CABLES2: variants seen among roughly 807,000 people sequenced by gnomAD.
The protein encoded by CABLES2 is Cdk5 and Abl enzyme substrate 2, also known as CDK5 and ABL1 enzyme substrate 2.
Under a neutral mutation model 44.8 loss-of-function variants are expected in CABLES2, and 35 were observed. The ratio of observed to expected loss-of-function variants is 0.78; its 90% confidence interval spans 0.60 to 1.04. CABLES2 has a LOEUF of 1.04. CABLES2 is among the 50% of genes least tolerant of loss of function. The pLI is 0.00. For missense variants in CABLES2, 566 were observed against 615.7 expected, an observed-to-expected ratio of 0.92 and a Z score of 0.85; for synonymous variants, 282 against 281.1, an observed-to-expected ratio of 1.00 and a Z score of -0.03.
chr20:62,407,146 C>A lies in CABLES2; in HGVS notation c.131G>T (p.Arg44Leu), dbSNP rs913659156. Reference sequence around the variant, plus strand: ...GAGGAAGAAAAGCGCGGCCTGGCGGCGCCGCGAGTCCCCGCGCCTCCGCAG... The same window carrying A: ...GAGGAAGAAAAGCGCGGCCTGGCGGAGCCGCGAGTCCCCGCGCCTCCGCAG... ...QALRRRGDSR[R>L]RQAALFFLNN... The change falls in exon 1 of 10, where the codon CGC becomes CTC. Residue 44 changes from arginine (R) to leucine (L), a missense_variant. This residue lies in a region of CABLES2 where 130 missense variants were observed against 79.4 expected (regional missense o/e 1.64). Transcript: ENST00000279101. 1.4e-4 allele frequency: 138 copies of A among 1,017,628 alleles called. No individual in the cohort carries two copies. The highest frequency in any genetic ancestry group is 1.6e-4 in the Non-Finnish European group (134 of 850,144). The allele number at this position is 1,017,628 out of a possible 1,614,324, so 63.0% of individuals were successfully genotyped here.
At chr20:62,397,493 TG>T (rs984265853) in intron 1 of CABLES2, among the ~76,000 whole-genome samples, 1 of 152,174 alleles carries the variant, frequency 6.6e-6, no homozygotes, top group African/African-American at 2.4e-5. Context: ...CGCACTTCCT[TG>T]AAGACCCCTC....
At chr20:62,400,048 C>T (rs1406868669) in intron 1 of CABLES2, among the ~76,000 whole-genome samples, 1 of 152,188 alleles carries the variant, frequency 6.6e-6, no homozygotes, top group African/African-American at 2.4e-5. Context: ...TTGTTGAAAA[C>T]AAGCTAGGAT....
At chr20:62,398,112 GTGGTGGTGGTGGT>G in intron 1 of CABLES2, among the ~76,000 whole-genome samples, 1 of 130,384 alleles carries the variant, frequency 7.7e-6, no homozygotes, top group East Asian at 2.7e-4. Flanking sequence ...GGTGATGGTG[GTGGTGGTGGTGGT>G]TATGACGGTG....
At chr20:62,398,140 T>TGGTTATGAC in intron 1 of CABLES2, among the ~76,000 whole-genome samples, 1 of 134,542 alleles carries the variant, frequency 7.4e-6, no homozygotes, top group South Asian at 2.5e-4. Context: ...ACGGTGGTGA[T>TGGTTATGAC]GGTGGTGGTG....
Position 62,388,730 on chromosome 20 carries a change from T to TA in CABLES2, c.*2240dup. 1.8e-6 allele frequency: 1 copy of TA among 543,922 alleles called. No homozygotes were observed. Among genetic ancestry groups the TA allele is most frequent in the African/African-American group, 1.9e-5 (1 of 52,884 alleles). The allele number at this position is 543,922 out of a possible 1,614,324, so 33.7% of individuals were successfully genotyped here. On this transcript the variant is annotated 3_prime_UTR_variant, in exon 10 of 10. Coordinates refer to ENST00000279101, the MANE Select transcript of CABLES2 (RefSeq NM_031215.3). The stretch of plus-strand genomic sequence containing the variant: ...AACATTCTGAGGTCTGATACTTGCT[T>TA]ATGCACACTGACATCCACAACTGCT...
At position 62,391,480 on chromosome 20, in the gene CABLES2, C is replaced by G. The variant is rs767872905; in HGVS notation, c.1092-27G>C. Reference sequence around the variant, plus strand: ...TGTGGGTTAAGACAGAAGCCATGTCCCTGGGGGCTCTGGCTGGGGCTGAGG... The same window carrying G: ...TGTGGGTTAAGACAGAAGCCATGTCGCTGGGGGCTCTGGCTGGGGCTGAGG... On this transcript the variant is annotated intron_variant, in intron 8 of 9. Coordinates refer to ENST00000279101, the MANE Select transcript of CABLES2 (RefSeq NM_031215.3). This position sits in a 1 kb window ranked among gnomAD's most constrained non-coding sequence, Gnocchi z 5.7. 1 of 1,607,194 alleles carries G rather than the reference C, an allele frequency of 6.2e-7. No individual in the cohort carries two copies. The highest frequency in any genetic ancestry group is 1.7e-5 in the Admixed American group (1 of 59,956).
intron 1 of CABLES2, among the ~76,000 whole-genome samples, chr20:62,399,610 T>TTC (rs1399450947): frequency 1.8e-4 from 27 of 149,788 alleles, no homozygotes; most frequent in Admixed American, 6.6e-5. Context: ...TTTTTTTTTT[T>TTC]TGAGACAGAG....
chr20:62,398,155 TGACGG>T (rs1988100000), intron 1 of CABLES2, among the ~76,000 whole-genome samples: 1 of 121,388 alleles, frequency 8.2e-6, no homozygotes, highest in Non-Finnish European at 1.7e-5. Flanking sequence ...GTGGTGGTGG[TGACGG>T]TGATGGTGGT....
chr20:62,398,244 T>C (rs1425906552), intron 1 of CABLES2, among the ~76,000 whole-genome samples: 1 of 131,606 alleles, frequency 7.6e-6, no homozygotes, highest in East Asian at 2.1e-4. Context: ...GTGGTGATGA[T>C]GGTGATGGTG....
Position 62,391,931 on chromosome 20 carries a change from C to T in CABLES2, c.1091+458G>A, listed in dbSNP as rs112735675. 1.8e-3 allele frequency among the ~76,000 whole-genome samples: 268 copies of T among 152,164 alleles called. 2 individuals are homozygous for T. The highest frequency in any genetic ancestry group is 6.1e-3 in the African/African-American group (255 of 41,532). The stretch of plus-strand genomic sequence containing the variant: ...AGTTCCGCCGCCTTCTGCTCGCTTT[C>T]CTCCGGTCATGGGTCATCAGCGTGG... On this transcript the variant is annotated intron_variant, in intron 8 of 9. Coordinates refer to ENST00000279101, the MANE Select transcript of CABLES2 (RefSeq NM_031215.3). This position sits in a 1 kb window ranked among gnomAD's most constrained non-coding sequence, Gnocchi z 5.7.
In CABLES2 at chr20:62,391,314, A is replaced by G. The variant is rs1481624342; in HGVS notation, c.1231T>C (p.Cys411Arg). 4.3e-6 allele frequency: 7 copies of G among 1,613,104 alleles called. No homozygotes were observed. Among genetic ancestry groups the G allele is most frequent in the South Asian group, 2.2e-5 (2 of 91,096 alleles). Reference protein sequence around the residue: ...KQNRKLCAGACVLLAAKISSD... With the variant: ...KQNRKLCAGARVLLAAKISSD... Reference sequence around the variant, plus strand: ...CTGATCTTGGCAGCCAGCAGCACGCAGGCGCCAGCGCACAGCTTGCGGTTC... The same window carrying G: ...CTGATCTTGGCAGCCAGCAGCACGCGGGCGCCAGCGCACAGCTTGCGGTTC... Residue 411 changes from cysteine to arginine, a missense_variant, in exon 9 of 10, where the codon TGC (cysteine) becomes CGC (arginine). Transcript: ENST00000279101. This position sits in a 1 kb window ranked among gnomAD's most constrained non-coding sequence, Gnocchi z 5.7.
At chr20:62,403,756 G>T (rs1444378675) in intron 1 of CABLES2, 4 of 152,252 alleles carry the variant, frequency 2.6e-5, no homozygotes, top group African/African-American at 7.2e-5. Context: ...AAATAAACCT[G>T]GTTGGAAGTT....
At chr20:62,392,022 C>T (rs879446119) in intron 8 of CABLES2, among the ~76,000 whole-genome samples, 9 of 152,016 alleles carry the variant, frequency 5.9e-5, no homozygotes, top group African/African-American at 1.9e-4. Context: ...TGGATGGGGG[C>T]GCTTTGTGGG....
At position 62,396,285 on chromosome 20, in the gene CABLES2, C is replaced by T; in HGVS notation, c.527+30G>A. ...CCCGTGGGCTTATGGAGACCACAGC[C>T]CTGGCCCGGTTCCCGGCTCCGCTTC... On this transcript the variant is annotated intron_variant, in intron 3 of 9. Coordinates refer to ENST00000279101, the MANE Select transcript of CABLES2 (RefSeq NM_031215.3). This position sits in a 1 kb window ranked among gnomAD's most constrained non-coding sequence, Gnocchi z 5.7. 16 of 1,597,684 alleles carry T rather than the reference C, an allele frequency of 1.0e-5. No homozygotes were observed. Among genetic ancestry groups the T allele is most frequent in the Non-Finnish European group, 1.4e-5 (16 of 1,165,346 alleles).
Position 62,406,995 on chromosome 20 carries a change from G to T in CABLES2, c.282C>A (p.Pro94=). The T allele has an allele frequency of 8.4e-7, 1 of 1,193,698 alleles. No individual in the cohort carries two copies. The highest frequency in any genetic ancestry group is 1.0e-6 in the Non-Finnish European group (1 of 963,378). The allele number at this position is 1,193,698 out of a possible 1,614,324, so 73.9% of individuals were successfully genotyped here. The change falls in exon 1 of 10, where the codon CCC becomes CCA. Residue 94 remains proline (P), a synonymous_variant. Transcript: ENST00000279101. ...PPPPEPPTGL[P]ARTPAPQGLL... Reference sequence around the variant, plus strand: ...GGCCCTGGGGCGCGGGGGTCCTGGCGGGCAGCCCGGTGGGGGGCTCCGGCG... The same window carrying T: ...GGCCCTGGGGCGCGGGGGTCCTGGCTGGCAGCCCGGTGGGGGGCTCCGGCG...
At chr20:62,392,297 T>G (rs1987933524) in intron 8 of CABLES2, 92 bp downstream of exon 8, 4 of 958,634 alleles carry the variant, frequency 4.2e-6, no homozygotes. Flanking sequence ...GCGGCTAGAC[T>G]TGTCAAGCTG....
rs1034349942 is a variant in CABLES2 at position 62,407,244 on chromosome 20, G to C, written c.33C>G (p.Gly11=). The C allele has an allele frequency of 3.7e-4, 287 of 775,752 alleles. No individual in the cohort carries two copies. In the African/African-American group the frequency reaches 5.0e-3, roughly 13 times the overall value. The allele number at this position is 775,752 out of a possible 1,614,324, so 48.1% of individuals were successfully genotyped here. Residue 11 remains glycine, a synonymous_variant, in exon 1 of 10, where the codon GGC becomes GGG. Transcript: ENST00000279101. ...GGGGCCCGGCGGGGCCGGGGGCCGG[G>C]CCCGGGGCTCCACCGGCCGCGGCCG... MAAAAAGGAP[G]PAPGPAGPPP...
chr20:62,406,732 G>C, intron 1 of CABLES2, among the ~76,000 whole-genome samples, 183 bp downstream of exon 1: 1 of 150,432 alleles, frequency 6.6e-6, no homozygotes, highest in African/African-American at 2.5e-5. Context: ...AAGGCCCCAG[G>C]TGAACCCAAC....
chr20:62,398,089 CGGTGGTGGTGGTGGTGAT>C (rs1988086595), intron 1 of CABLES2, among the ~76,000 whole-genome samples: 1 of 54,854 alleles, frequency 1.8e-5, no homozygotes, highest in Non-Finnish European at 3.5e-5. Context: ...GTGGTGGTGA[CGGTGGTGGTGGTGGTGAT>C]GGTGGTGGTG....
Sources: allele counts gnomAD v4.1 joint callset (sites outside exome capture counted in the v4.1 genomes callset), GRCh38; gene constraint gnomAD v4.1.1; regional missense constraint gnomAD v4.1.1; non-coding constraint Gnocchi (gnomAD v3.1); transcripts MANE v1.5; gene names NCBI Gene and HGNC (gene_info 2026-07-23, HGNC 2026-07-21).